Variants in SOBP observed in about 807,000 individuals in gnomAD.
The protein encoded by SOBP is sine oculis-binding protein homolog.
Under a neutral mutation model 53.6 loss-of-function variants are expected in SOBP, and 4 were observed. The observed-to-expected ratio is 0.07, with a 90% CI of 0.04 to 0.17. The LOEUF (loss-of-function observed/expected upper bound fraction) is 0.17, where lower values mean the gene tolerates loss of function less well. Among genes scored for constraint, SOBP ranks in the 10% least tolerant of loss-of-function variants. The pLI is 1.00. For synonymous variants in SOBP, 584 were observed against 522.6 expected, an observed-to-expected ratio of 1.12 and a Z score of -1.60; for missense variants, 1,088 against 1,204.7, an observed-to-expected ratio of 0.90 and a Z score of 1.43.
chr6:107,581,381 C>T (rs1785397732), intron 4 of SOBP, among the ~76,000 whole-genome samples: 1 of 152,128 alleles, frequency 6.6e-6, no homozygotes, highest in African/African-American at 2.4e-5. Flanking sequence ...TTGAAGGGCA[C>T]TAAGAATTCA....
intron 4 of SOBP, among the ~76,000 whole-genome samples, chr6:107,574,946 A>G (rs1346786448): frequency 1.3e-5 from 2 of 152,190 alleles, no homozygotes; most frequent in Non-Finnish European, 2.9e-5. Context: ...AAGGACCTGC[A>G]AGGATGTGAG....
chr6:107,603,110 A>T (rs2064604), intron 5 of SOBP, among the ~76,000 whole-genome samples: 33,826 of 152,138 alleles, frequency 0.22, 4,938 homozygotes, highest in Middle Eastern at 0.38. Context: ...TGAACATGCA[A>T]ATGAATGTGG....
At chr6:107,514,596 A>T (rs2114961684) in intron 3 of SOBP, 1 of 152,328 alleles carries the variant, frequency 6.6e-6, no homozygotes, top group Non-Finnish European at 1.5e-5. Flanking sequence ...TGGTAGCATG[A>T]GGTGGTGAAG....
chr6:107,602,686 G>T (rs1393772726), intron 5 of SOBP, among the ~76,000 whole-genome samples: 1 of 151,976 alleles, frequency 6.6e-6, no homozygotes, highest in East Asian at 1.9e-4. Context: ...CAGGTTATGT[G>T]AAGGGGTCTA....
At chr6:107,517,558 T>C (rs1783357208) in intron 3 of SOBP, among the ~76,000 whole-genome samples, 1 of 152,224 alleles carries the variant, frequency 6.6e-6, no homozygotes, top group Non-Finnish European at 1.5e-5. Context: ...TATTGGGGGT[T>C]AGAGCTTCAA....
chr6:107,650,854 A>G (rs974548962), intron 6 of SOBP, among the ~76,000 whole-genome samples: 18 of 152,236 alleles, frequency 1.2e-4, no homozygotes, highest in Admixed American at 2.0e-4. Flanking sequence ...CAAAAGCTAG[A>G]AGTGATTAAA....
At position 107,634,393 on chromosome 6, in the gene SOBP, C is replaced by A; in HGVS notation, c.1549C>A (p.Leu517Met). The A allele has an allele frequency of 6.2e-7, 1 of 1,600,234 alleles. No homozygotes were observed. The highest frequency in any genetic ancestry group is 8.5e-7 in the Non-Finnish European group (1 of 1,178,936). ...MNFGLPSLAP[L>M]VPPPTLLVPY... ...TTTCGGGCTGCCGTCGCTTGCCCCGCTGGTGCCGCCCCCGACCCTGCTCGT... is the reference window on the plus strand; with the variant it reads ...TTTCGGGCTGCCGTCGCTTGCCCCGATGGTGCCGCCCCCGACCCTGCTCGT... The change falls in exon 6 of 7, where the codon CTG (leucine) becomes ATG (methionine). Residue 517 changes from leucine (L) to methionine (M), a missense_variant. Transcript: ENST00000317357. The surrounding 1 kb of genome is among the most constrained non-coding windows in gnomAD (Gnocchi z 4.5).
intron 4 of SOBP, among the ~76,000 whole-genome samples, chr6:107,571,287 A>G (rs1056757065): frequency 6.6e-6 from 1 of 152,184 alleles, no homozygotes; most frequent in Non-Finnish European, 1.5e-5. Context: ...AAGGAAAGGA[A>G]ATGGTAGGGA....
intron 4 of SOBP, among the ~76,000 whole-genome samples, chr6:107,572,364 T>C (rs1030813981): frequency 4.6e-5 from 7 of 150,848 alleles, no homozygotes; most frequent in Admixed American, 1.3e-4. Flanking sequence ...GGTGCAGTGG[T>C]GCGATCTCAG....
rs1034315455 is a variant in SOBP, at chr6:107,635,063, C to G, written c.2219C>G (p.Pro740Arg). Residue 740 changes from proline (P) to arginine (R), a missense_variant, in exon 6 of 7, where the codon CCG becomes CGG. Physicochemically the swap from Pro to Arg is moderately radical, Grantham distance 103. Coordinates refer to ENST00000317357, the MANE Select transcript of SOBP (RefSeq NM_018013.4). This position sits in a 1 kb window ranked among gnomAD's most constrained non-coding sequence, Gnocchi z 4.5. ...GCCGAGGGCGCTAAGAGCGCGGAGC[C>G]GCCTCCCGAGCAGCCGCCGCCGCCG... ...AAAEGAKSAEPPPEQPPPPPP... is the reference protein window; with the variant it reads ...AAAEGAKSAERPPEQPPPPPP... The G allele has an allele frequency of 1.3e-6, 2 of 1,538,564 alleles. No individual in the cohort carries two copies. The highest frequency in any genetic ancestry group is 1.8e-6 in the Non-Finnish European group (2 of 1,142,818).
At chr6:107,583,763 T>A (rs1403559770) in intron 4 of SOBP, among the ~76,000 whole-genome samples, 1 of 152,080 alleles carries the variant, frequency 6.6e-6, no homozygotes, top group Non-Finnish European at 1.5e-5. Flanking sequence ...ATATTTAGGG[T>A]AAGGTCTACC....
chr6:107,647,096 C>G (rs1161601214), intron 6 of SOBP, among the ~76,000 whole-genome samples: 1 of 152,182 alleles, frequency 6.6e-6, no homozygotes, highest in African/African-American at 2.4e-5. Flanking sequence ...GGGTCACTTA[C>G]CAGCTGTGAG....
At chr6:107,621,214 G>T (rs1770139589) in intron 5 of SOBP, 6 of 562,542 alleles carry the variant, frequency 1.1e-5, no homozygotes, top group Non-Finnish European at 1.4e-5. Flanking sequence ...GTCCCGGGTT[G>T]TCTTGGTTCA....
At chr6:107,535,293 T>G (rs1446046351) in intron 4 of SOBP, among the ~76,000 whole-genome samples, 1 of 152,134 alleles carries the variant, frequency 6.6e-6, no homozygotes, top group Non-Finnish European at 1.5e-5. Context: ...AAGTTTAAGG[T>G]CAAACTGAAT....
At chr6:107,649,187 A>AC (rs1168349501) in intron 6 of SOBP, among the ~76,000 whole-genome samples, 3 of 149,278 alleles carry the variant, frequency 2.0e-5, no homozygotes, top group Non-Finnish European at 4.5e-5. Flanking sequence ...AAAAAAAAAA[A>AC]AAACCATCAG....
intron 6 of SOBP, among the ~76,000 whole-genome samples, chr6:107,654,199 G>A (rs1188837529): frequency 6.6e-6 from 1 of 152,224 alleles, no homozygotes; most frequent in Non-Finnish European, 1.5e-5. Context: ...TGGAGACCAT[G>A]CCTTGTGGTG....
chr6:107,528,329 G>A (rs1783723281), intron 3 of SOBP, among the ~76,000 whole-genome samples: 1 of 152,156 alleles, frequency 6.6e-6, no homozygotes, highest in Non-Finnish European at 1.5e-5. Flanking sequence ...AATTACAGAG[G>A]TAGGGGGGTC....
intron 4 of SOBP, among the ~76,000 whole-genome samples, chr6:107,564,116 A>G (rs1342715465): frequency 2.0e-5 from 3 of 152,210 alleles, no homozygotes; most frequent in East Asian, 1.9e-4. Context: ...GAATGTGACA[A>G]TGCACACCCA....
chr6:107,533,393 G>C, intron 3 of SOBP, 66 bp from the exon 4 acceptor site: 1 of 1,578,658 alleles, frequency 6.3e-7, no homozygotes, highest in Non-Finnish European at 8.7e-7. Context: ...TCAGGTTCAG[G>C]GTGTGTCTAA....
Sources: gnomAD v4.1 joint callset for allele counts (sites outside exome capture counted in the v4.1 genomes callset) on GRCh38, gnomAD v4.1.1 for gene constraint, Gnocchi (gnomAD v3.1) non-coding constraint, MANE v1.5 for transcripts, NCBI Gene and HGNC (gene_info 2026-07-23, HGNC 2026-07-21) for gene names.